Variants in SLC9C1 observed in about 807,000 individuals in gnomAD.
SLC9C1 encodes the protein sodium/hydrogen exchanger 10.
Under a neutral mutation model 140.9 loss-of-function variants are expected in SLC9C1, and 97 were observed. The observed-to-expected ratio is 0.69, with a 90% CI of 0.58 to 0.82. The LOEUF is 0.82. SLC9C1 is among the 40% of genes least tolerant of loss of function. The pLI, the probability that SLC9C1 is intolerant of heterozygous loss-of-function variation, is 0.00. For missense variants in SLC9C1, 1,340 were observed against 1,389.3 expected (o/e 0.96, Z 0.56); for synonymous variants, 440 against 442.6 (o/e 0.99, Z 0.07).
At chr3:112,184,879 TAGC>T (rs2077503297) in intron 20 of SLC9C1, among the ~76,000 whole-genome samples, 1 of 151,726 alleles carries the variant, frequency 6.6e-6, no homozygotes, top group South Asian at 2.1e-4. Flanking sequence ...GTCAGGAAAA[TAGC>T]AGGGTCTAGC....
At chr3:112,144,583 G>A (rs958578993) in intron 28 of SLC9C1, among the ~76,000 whole-genome samples, 13 of 152,226 alleles carry the variant, frequency 8.5e-5, no homozygotes, top group African/African-American at 3.1e-4. Flanking sequence ...CCACAAGCAT[G>A]GAATGTTTCT....
chr3:112,218,085 A>C (rs1047433388), intron 14 of SLC9C1, among the ~76,000 whole-genome samples: 2 of 152,172 alleles, frequency 1.3e-5, no homozygotes, highest in Non-Finnish European at 2.9e-5. Flanking sequence ...AAAATGAGTT[A>C]AAATAGTAAC....
chr3:112,164,699 G>A (rs142833042), intron 26 of SLC9C1, among the ~76,000 whole-genome samples: 30 of 151,584 alleles, frequency 2.0e-4, no homozygotes, highest in African/African-American at 6.5e-4. Flanking sequence ...TCTGACTGTC[G>A]TTAACTTTTT....
chr3:112,290,575 G>A (rs1028618390), intron 1 of SLC9C1, among the ~76,000 whole-genome samples: 2 of 152,092 alleles, frequency 1.3e-5, no homozygotes, highest in African/African-American at 4.8e-5. Context: ...AGGTTCATTT[G>A]AGCCTGCTGA....
chr3:112,238,528 G>T (rs957017599), intron 12 of SLC9C1, among the ~76,000 whole-genome samples: 5 of 152,204 alleles, frequency 3.3e-5, no homozygotes, highest in Admixed American at 2.0e-4. Flanking sequence ...AGGAGGAGAG[G>T]TGCTCTGATT....
At chr3:112,280,443 A>T (rs989564593) in intron 3 of SLC9C1, among the ~76,000 whole-genome samples, 4 of 151,586 alleles carry the variant, frequency 2.6e-5, no homozygotes, top group Non-Finnish European at 5.9e-5. Flanking sequence ...GTATGTACTC[A>T]GTAGCTGTAT....
chr3:112,243,184 T>C (rs527769010), intron 11 of SLC9C1, among the ~76,000 whole-genome samples: 1 of 152,264 alleles, frequency 6.6e-6, no homozygotes, highest in South Asian at 2.1e-4. Flanking sequence ...AAGGAAAATA[T>C]ATCATTCTAC....
chr3:112,242,200 A>C (rs1223942035), intron 11 of SLC9C1, among the ~76,000 whole-genome samples: 1 of 152,224 alleles, frequency 6.6e-6, no homozygotes, highest in Non-Finnish European at 1.5e-5. Flanking sequence ...CTATACATCT[A>C]ACAAAGGTCT....
intron 13 of SLC9C1, among the ~76,000 whole-genome samples, chr3:112,224,154 C>G (rs1410334873): frequency 1.3e-5 from 2 of 152,184 alleles, no homozygotes; most frequent in Non-Finnish European, 2.9e-5. Context: ...ATAGGTAGAC[C>G]AGCCACACAA....
chr3:112,279,358 G>T (rs1023838726), intron 3 of SLC9C1, among the ~76,000 whole-genome samples: 11 of 152,102 alleles, frequency 7.2e-5, no homozygotes, highest in African/African-American at 2.2e-4. Flanking sequence ...TTGTCCTCCA[G>T]AGCAAATGAC....
At chr3:112,291,127 CT>C (rs2080669631) in intron 1 of SLC9C1, among the ~76,000 whole-genome samples, 1 of 152,166 alleles carries the variant, frequency 6.6e-6, no homozygotes, top group African/African-American at 2.4e-5. Flanking sequence ...TGTGTGCTTG[CT>C]TTACAGTGTC....
chr3:112,285,348 C>T (rs2080478027), intron 2 of SLC9C1, among the ~76,000 whole-genome samples: 1 of 152,158 alleles, frequency 6.6e-6, no homozygotes, highest in Non-Finnish European at 1.5e-5. Flanking sequence ...GAGCGATCCT[C>T]CCACCTCAGT....
At chr3:112,155,585 A>G (rs1465920118) in intron 26 of SLC9C1, among the ~76,000 whole-genome samples, 3 of 152,144 alleles carry the variant, frequency 2.0e-5, no homozygotes, top group Non-Finnish European at 2.9e-5. Context: ...TTTCAAGGAT[A>G]AGGAGTTAGC....
At chr3:112,256,713 C>T (rs2079616254) in intron 10 of SLC9C1, among the ~76,000 whole-genome samples, 1 of 152,090 alleles carries the variant, frequency 6.6e-6, no homozygotes, top group African/African-American at 2.4e-5. Context: ...GAAGTCCTGG[C>T]CAGGTCAATC....
At chr3:112,185,960 G>C in intron 20 of SLC9C1, 1 of 1,562,322 alleles carries the variant, frequency 6.4e-7, no homozygotes, top group East Asian at 2.3e-5. Context: ...GGTGGTGGGC[G>C]ACCAGCTCTC....
At chr3:112,224,807 AAGAG>A (rs1387751419) in intron 13 of SLC9C1, among the ~76,000 whole-genome samples, 2 of 151,494 alleles carry the variant, frequency 1.3e-5, no homozygotes, top group Non-Finnish European at 2.9e-5. Flanking sequence ...GAAAAGAAAA[AAGAG>A]AGAAAGAGAG....
chr3:112,259,714 T>C (rs1015271532), intron 10 of SLC9C1, among the ~76,000 whole-genome samples: 22 of 152,086 alleles, frequency 1.4e-4, no homozygotes, highest in Admixed American at 9.2e-4. Context: ...TACACCAAAC[T>C]TCCATGCCAT....
intron 20 of SLC9C1, among the ~76,000 whole-genome samples, chr3:112,192,883 A>G (rs992814465): frequency 6.6e-6 from 1 of 152,138 alleles, no homozygotes; most frequent in Non-Finnish European, 1.5e-5. Context: ...TGGAAGTATC[A>G]TATTTCCTTG....
chr3:112,195,256 G>C (rs1225493040), intron 20 of SLC9C1, among the ~76,000 whole-genome samples: 1 of 152,008 alleles, frequency 6.6e-6, no homozygotes. Context: ...TATAGTTTTA[G>C]GTCTTACATA....
Sources: allele counts gnomAD v4.1 joint callset (sites outside exome capture counted in the v4.1 genomes callset), GRCh38; gene constraint gnomAD v4.1.1; transcripts MANE v1.5; gene names NCBI Gene and HGNC (gene_info 2026-07-23, HGNC 2026-07-21).